The following CCSER1 variants were observed in gnomAD, a reference collection of about 807,000 sequenced individuals.
CCSER1 encodes the protein serine-rich coiled-coil domain-containing protein 1.
A neutral mutation model predicts 82.0 loss-of-function variants in CCSER1; 41 were observed. The ratio of observed to expected loss-of-function variants is 0.50; its 90% confidence interval spans 0.39 to 0.65. The LOEUF is 0.65. CCSER1 is among the 30% of genes least tolerant of loss of function. The pLI is 0.00. For synonymous variants in CCSER1, 414 were observed against 383.9 expected, an observed-to-expected ratio of 1.08 and a Z score of -0.92; for missense variants, 1,119 against 1,064.2, an observed-to-expected ratio of 1.05 and a Z score of -0.72.
intron 8 of CCSER1, among the ~76,000 whole-genome samples, chr4:90,896,719 A>G (rs988866270): frequency 6.6e-6 from 1 of 151,916 alleles, no homozygotes; most frequent in Non-Finnish European, 1.5e-5. Context: ...TTCTAGTGAC[A>G]TTTTTGCTTG....
chr4:90,296,113 A>G (rs1186359925), intron 1 of CCSER1, among the ~76,000 whole-genome samples: 5 of 152,088 alleles, frequency 3.3e-5, no homozygotes, highest in Admixed American at 2.0e-4. Flanking sequence ...CAACAAATTT[A>G]TCAAATTCAG....
intron 1 of CCSER1, among the ~76,000 whole-genome samples, chr4:90,289,216 A>C (rs543101221): frequency 6.6e-6 from 1 of 152,106 alleles, no homozygotes; most frequent in Non-Finnish European, 1.5e-5. Flanking sequence ...TAAATCAAAT[A>C]AGCTAAATAT....
chr4:91,528,482 A>C (rs535646496), intron 10 of CCSER1, among the ~76,000 whole-genome samples: 1 of 152,318 alleles, frequency 6.6e-6, no homozygotes, highest in African/African-American at 2.4e-5. Context: ...CCAAAAAAAG[A>C]GACATATTTC....
chr4:91,231,127 T>C (rs1456419102), intron 10 of CCSER1, among the ~76,000 whole-genome samples: 3 of 151,828 alleles, frequency 2.0e-5, no homozygotes, highest in East Asian at 1.9e-4. Flanking sequence ...AAACACATAT[T>C]CATAAATATA....
chr4:91,070,982 G>A (rs1367065453), intron 9 of CCSER1, among the ~76,000 whole-genome samples: 1 of 151,916 alleles, frequency 6.6e-6, no homozygotes, highest in Admixed American at 6.6e-5. Flanking sequence ...ATTTTTGTTG[G>A]CTTAACTTTA....
chr4:90,921,473 A>G (rs1728373242), intron 8 of CCSER1, among the ~76,000 whole-genome samples: 1 of 151,990 alleles, frequency 6.6e-6, no homozygotes, highest in South Asian at 2.1e-4. Flanking sequence ...TCTGTGTTTT[A>G]TTTAAGTTCC....
chr4:90,556,848 A>T (rs946199764), intron 5 of CCSER1, among the ~76,000 whole-genome samples: 1 of 143,616 alleles, frequency 7.0e-6, no homozygotes, highest in African/African-American at 2.6e-5. Context: ...CTGTATATCT[A>T]TATGTGTATA....
At chr4:90,606,121 A>G (rs1784671825) in intron 5 of CCSER1, among the ~76,000 whole-genome samples, 1 of 152,156 alleles carries the variant, frequency 6.6e-6, no homozygotes, top group Non-Finnish European at 1.5e-5. Flanking sequence ...AATTTTAAAC[A>G]CCGAAGAGAT....
At position 90,881,701 on chromosome 4, in the gene CCSER1, C is replaced by T. The variant is rs181601744; in HGVS notation, c.2095-41669C>T. On this transcript the variant is annotated intron_variant, in intron 8 of 10. Transcript: ENST00000509176. ...TGAGGAGGCCGAGGTGGGAGGATTG[C>T]TTGAGCCTGGGAGGCAGAGGTTTCA... Among the ~76,000 whole-genome samples, 1,452 of 152,214 alleles carry T rather than the reference C, an allele frequency of 9.5e-3. 25 individuals carry two copies. Among genetic ancestry groups the T allele is most frequent in the African/African-American group, 0.033 (1,385 of 41,534 alleles).
intron 10 of CCSER1, among the ~76,000 whole-genome samples, chr4:91,277,244 C>T (rs371365773): frequency 6.1e-4 from 92 of 151,936 alleles, no homozygotes; most frequent in African/African-American, 2.0e-3. Flanking sequence ...TAGAAAGTTT[C>T]GTACATTTCA....
chr4:91,458,749 T>G (rs1756338161), intron 10 of CCSER1, among the ~76,000 whole-genome samples: 1 of 152,202 alleles, frequency 6.6e-6, no homozygotes, highest in Non-Finnish European at 1.5e-5. Context: ...TTATTTCTAG[T>G]TATTTTTATA....
At chr4:90,418,597 A>G (rs932475574) in intron 4 of CCSER1, among the ~76,000 whole-genome samples, 4 of 152,180 alleles carry the variant, frequency 2.6e-5, no homozygotes, top group African/African-American at 9.6e-5. Flanking sequence ...TAAATATCCC[A>G]GCTAGACTCA....
At chr4:90,925,864 G>A (rs1024542102) in intron 9 of CCSER1, among the ~76,000 whole-genome samples, 1 of 151,878 alleles carries the variant, frequency 6.6e-6, no homozygotes, top group Non-Finnish European at 1.5e-5. Flanking sequence ...CCCTTCATAT[G>A]AGCAAATTAA....
At chr4:91,255,368 C>A (rs529496463) in intron 10 of CCSER1, among the ~76,000 whole-genome samples, 35 of 152,028 alleles carry the variant, frequency 2.3e-4, no homozygotes, top group Non-Finnish European at 4.3e-4. Context: ...TGTCTAATAA[C>A]CTTATTACTA....
intron 5 of CCSER1, among the ~76,000 whole-genome samples, chr4:90,624,132 TG>T (rs1334180328): frequency 2.0e-5 from 3 of 152,216 alleles, no homozygotes; most frequent in African/African-American, 7.2e-5. Context: ...TTTGGAAATT[TG>T]GTTCAGAAAT....
rs1748590617 is a variant in CCSER1, at chr4:90,751,174, GC to G, written c.2010+27185del. Among the ~76,000 whole-genome samples, 8 of 152,160 alleles carry G rather than the reference GC, an allele frequency of 5.3e-5. No homozygotes were observed. In the South Asian group the frequency reaches 1.7e-3, roughly 32 times the overall value. ...TACACATATAAAAAAGTAAGACATTGCCATAAGCCCCATGGTTTAATAACAT... is the reference window on the plus strand; with the variant it reads ...TACACATATAAAAAAGTAAGACATTGCATAAGCCCCATGGTTTAATAACAT... On this transcript the variant is annotated intron_variant, in intron 7 of 10. Coordinates refer to ENST00000509176, the MANE Select transcript of CCSER1 (RefSeq NM_001145065.2).
At chr4:91,259,619 A>G (rs1475858795) in intron 10 of CCSER1, among the ~76,000 whole-genome samples, 1 of 149,382 alleles carries the variant, frequency 6.7e-6, no homozygotes, top group African/African-American at 2.5e-5. Flanking sequence ...AGGCCCCAAT[A>G]TGTGATGTTC....
At chr4:90,403,474 G>A (rs888000179) in intron 4 of CCSER1, among the ~76,000 whole-genome samples, 1 of 143,646 alleles carries the variant, frequency 7.0e-6, no homozygotes, top group African/African-American at 2.6e-5. Flanking sequence ...ACTCCAGCCT[G>A]GGCGACAGAG....
intron 9 of CCSER1, among the ~76,000 whole-genome samples, chr4:90,962,363 C>A (rs1330650383): frequency 6.6e-6 from 1 of 151,888 alleles, no homozygotes; most frequent in Admixed American, 6.6e-5. Context: ...CAGTCAAAAC[C>A]ATAAAAAATA....
Sources: allele counts gnomAD v4.1 joint callset (sites outside exome capture counted in the v4.1 genomes callset), GRCh38; gene constraint gnomAD v4.1.1; transcripts MANE v1.5; gene names NCBI Gene and HGNC (gene_info 2026-07-23, HGNC 2026-07-21).